The following ZFAT variants were observed in gnomAD, a reference collection of about 807,000 sequenced individuals.
ZFAT encodes zinc finger and AT-hook domain containing.
A neutral mutation model predicts 117.7 loss-of-function variants in ZFAT; 64 were observed. That is an observed-to-expected ratio of 0.54 (90% CI 0.44 to 0.67). The LOEUF is 0.67. ZFAT is among the 30% of genes least tolerant of loss of function. The pLI, the probability that ZFAT is intolerant of heterozygous loss-of-function variation, is 0.00. For synonymous variants in ZFAT, 679 were observed against 615.0 expected (o/e 1.10, Z -1.54); for missense variants, 1,433 against 1,584.5 (o/e 0.90, Z 1.62).
chr8:134,668,046 A>G (rs1296933613), intron 1 of ZFAT, among the ~76,000 whole-genome samples: 1 of 152,110 alleles, frequency 6.6e-6, no homozygotes, highest in Admixed American at 6.5e-5. Context: ...GCAAGGCGGC[A>G]CTGAGGCTGG....
rs1251500843 is a variant in ZFAT, at chr8:134,565,424, G to A, written c.2888-3C>T. The A allele has an allele frequency of 4.3e-6, 7 of 1,611,724 alleles. No homozygotes were observed. The highest frequency in any genetic ancestry group is 5.9e-6 in the Non-Finnish European group (7 of 1,179,402). On this transcript the variant is annotated splice_polypyrimidine_tract_variant and splice_region_variant and intron_variant, in intron 10 of 15. Coordinates refer to ENST00000377838, the MANE Select transcript of ZFAT (RefSeq NM_020863.4). ...CACCGTGCACTTAAACTGCTTCCCT[G>A]GAAAGAAGCGGAGGACAAGATGAGC...
At chr8:134,593,264 A>C (rs950348326) in intron 7 of ZFAT, among the ~76,000 whole-genome samples, 10 of 151,820 alleles carry the variant, frequency 6.6e-5, no homozygotes, top group African/African-American at 1.9e-4. Flanking sequence ...GTCAGAAAGC[A>C]ATTTATCTCA....
chr8:134,584,829 G>A (rs997581201), intron 9 of ZFAT, among the ~76,000 whole-genome samples: 6 of 152,204 alleles, frequency 3.9e-5, no homozygotes, highest in Non-Finnish European at 5.9e-5. Context: ...CCTGCACATA[G>A]TAATGAAGCA....
chr8:134,528,387 T>A (rs1821166704), intron 12 of ZFAT, among the ~76,000 whole-genome samples: 1 of 152,208 alleles, frequency 6.6e-6, no homozygotes, highest in South Asian at 2.1e-4. Context: ...ACTTATTGAA[T>A]CTGGGCCCTA....
At chr8:134,718,920 G>A in the ZFAT span, among the ~76,000 whole-genome samples, 1 of 152,226 alleles carries the variant, frequency 6.6e-6, no homozygotes. Context: ...TGACGTGGCA[G>A]TTTGAAAGAA....
At chr8:134,605,232 G>GAGTAC (rs1242310024) in intron 5 of ZFAT, among the ~76,000 whole-genome samples, 1 of 152,190 alleles carries the variant, frequency 6.6e-6, no homozygotes, top group Non-Finnish European at 1.5e-5. Flanking sequence ...TCCTCAGAGA[G>GAGTAC]GTACTCTCAC....
At chr8:134,755,817 C>CAAAAAAAAAAAAAAAAAAGAAAAAAAAAA in the ZFAT span, among the ~76,000 whole-genome samples, 1 of 90,020 alleles carries the variant, frequency 1.1e-5, no homozygotes, top group Non-Finnish European at 2.1e-5. Flanking sequence ...GACTCCATCT[C>CAAAAAAAAAAAAAAAAAAGAAAAAAAAAA]AAAAAAAAAA....
chr8:134,765,415 C>T, the ZFAT span: 4 of 152,276 alleles, frequency 2.6e-5, no homozygotes, highest in African/African-American at 9.6e-5. Flanking sequence ...GGAATAATTA[C>T]ACTATGGAAA....
At chr8:134,677,505 A>T (rs1832862561) in intron 1 of ZFAT, among the ~76,000 whole-genome samples, 1 of 152,234 alleles carries the variant, frequency 6.6e-6, no homozygotes, top group African/African-American at 2.4e-5. Context: ...GCCAAATTCT[A>T]CCAGAGGTAT....
the ZFAT span, among the ~76,000 whole-genome samples, chr8:134,783,404 T>G: frequency 4.6e-5 from 7 of 152,108 alleles, no homozygotes; most frequent in Non-Finnish European, 1.0e-4. Flanking sequence ...GGATCTAGGT[T>G]GCACACTCCT....
intron 14 of ZFAT, 186 bp from the exon 15 acceptor site, chr8:134,509,935 T>A: frequency 1.4e-6 from 1 of 708,534 alleles, no homozygotes; most frequent in Non-Finnish European, 2.3e-6. Flanking sequence ...AAGCATTTTC[T>A]ATAAGAACAT....
chr8:134,492,929 C>G (rs1051353384), intron 15 of ZFAT, among the ~76,000 whole-genome samples: 1 of 152,134 alleles, frequency 6.6e-6, no homozygotes, highest in Non-Finnish European at 1.5e-5. Context: ...CATACATCAA[C>G]GGAGATTTAA....
At chr8:134,583,755 A>G (rs893546830) in intron 10 of ZFAT, 77 bp downstream of exon 10, 110 of 1,541,732 alleles carry the variant, frequency 7.1e-5, no homozygotes, top group Non-Finnish European at 3.6e-5. Context: ...CTGGTACAGC[A>G]AGTTTCTGAC....
chr8:134,803,278 A>G, the ZFAT span, among the ~76,000 whole-genome samples: 555 of 152,342 alleles, frequency 3.6e-3, 5 homozygotes, highest in African/African-American at 0.013. Context: ...AAAATTTTTC[A>G]TAAGAAATAA....
chr8:134,775,900 T>C, the ZFAT span, among the ~76,000 whole-genome samples: 42 of 152,286 alleles, frequency 2.8e-4, no homozygotes, highest in Non-Finnish European at 5.3e-4. Context: ...AAACTGTACA[T>C]CAAAGTATGC....
intron 15 of ZFAT, among the ~76,000 whole-genome samples, chr8:134,494,083 C>T (rs1818252437): frequency 1.3e-5 from 2 of 152,152 alleles, no homozygotes; most frequent in Non-Finnish European, 2.9e-5. Context: ...TAGTGCCAGG[C>T]CTGGCGTGGC....
At position 134,478,288 on chromosome 8, in the gene ZFAT, C is replaced by A. The variant is rs372014728; in HGVS notation, c.*194G>T. 420 of 689,930 alleles carry A rather than the reference C, an allele frequency of 6.1e-4. 4 individuals are homozygous for A. Among genetic ancestry groups the A allele is most frequent in the African/African-American group, 5.9e-3 (328 of 55,704 alleles). The allele number at this position is 689,930 out of a possible 1,614,324, so 42.7% of individuals were successfully genotyped here. A position where few individuals can be genotyped will look rare whatever the true frequency, so the allele number is the denominator to read the frequency against. On this transcript the variant is annotated 3_prime_UTR_variant, in exon 16 of 16. Transcript: ENST00000377838. The surrounding 1 kb of genome is among the most constrained non-coding windows in gnomAD (Gnocchi z 5.2). ...TGTGTGTCTATGCTGGGGTGAGGGT[C>A]CTGTGGTATTGCTGGTGATGCTGAC...
the ZFAT span, among the ~76,000 whole-genome samples, chr8:134,788,765 G>A: frequency 6.6e-6 from 1 of 152,098 alleles, no homozygotes; most frequent in Non-Finnish European, 1.5e-5. Context: ...AACACATACA[G>A]ATTTAGGATC....
chr8:134,799,150 G>GA, the ZFAT span, among the ~76,000 whole-genome samples: 856 of 152,162 alleles, frequency 5.6e-3, 4 homozygotes, highest in Middle Eastern at 0.017. Context: ...TATATAATTA[G>GA]AAAAACAGCA....
Sources: gnomAD v4.1 joint callset for allele counts (sites outside exome capture counted in the v4.1 genomes callset) on GRCh38, gnomAD v4.1.1 for gene constraint, Gnocchi (gnomAD v3.1) non-coding constraint, MANE v1.5 for transcripts, NCBI Gene and HGNC (gene_info 2026-07-23, HGNC 2026-07-21) for gene names.